PPP2R5E: variants seen among roughly 807,000 people sequenced by gnomAD.
PPP2R5E encodes the protein protein phosphatase 2 regulatory subunit B'epsilon, also known as serine/threonine-protein phosphatase 2A 56 kDa regulatory subunit epsilon isoform.
A neutral mutation model predicts 65.3 loss-of-function variants in PPP2R5E; 4 were observed. The observed-to-expected ratio is 0.06, with a 90% CI of 0.03 to 0.14. The LOEUF (loss-of-function observed/expected upper bound fraction) is 0.14, where lower values mean the gene tolerates loss of function less well. Ranked by LOEUF, PPP2R5E falls within the 10% of genes least tolerant of loss-of-function variation. The pLI is 1.00. For synonymous variants in PPP2R5E, 183 were observed against 187.4 expected, an observed-to-expected ratio of 0.98 and a Z score of 0.19; for missense variants, 274 against 556.1, an observed-to-expected ratio of 0.49 and a Z score of 5.10.
At chr14:63,404,285 G>C (rs1885943830) in intron 5 of PPP2R5E, among the ~76,000 whole-genome samples, 2 of 152,190 alleles carry the variant, frequency 1.3e-5, no homozygotes, top group South Asian at 2.1e-4. Context: ...TGTAAAGTAA[G>C]ATTTTAGAGA....
intron 2 of PPP2R5E, among the ~76,000 whole-genome samples, chr14:63,477,724 T>C (rs996773564): frequency 3.9e-5 from 6 of 152,052 alleles, no homozygotes; most frequent in East Asian, 1.9e-4. Context: ...CTCTTATCTA[T>C]ACAATACAGG....
At chr14:63,421,052 C>CAA (rs56297942) in intron 4 of PPP2R5E, among the ~76,000 whole-genome samples, 109 of 10,294 alleles carry the variant, frequency 0.011, 38 homozygotes, top group African/African-American at 0.013. Context: ...GACTCCGTCT[C>CAA]AAAAAAAAAA....
intron 2 of PPP2R5E, among the ~76,000 whole-genome samples, chr14:63,520,877 AAAAAAAAAAC>A (rs1421651371): frequency 1.6e-5 from 2 of 126,664 alleles, no homozygotes; most frequent in African/African-American, 6.8e-5. Context: ...AAAAAAAAAA[AAAAAAAAAAC>A]AATTAGCCGG....
At chr14:63,440,633 T>A (rs1040221745) in intron 3 of PPP2R5E, among the ~76,000 whole-genome samples, 1 of 151,922 alleles carries the variant, frequency 6.6e-6, no homozygotes, top group African/African-American at 2.4e-5. Context: ...CATTATGGCT[T>A]AGCATCTAAG....
At chr14:63,404,676 G>GA (rs1885966088) in intron 5 of PPP2R5E, among the ~76,000 whole-genome samples, 1 of 152,148 alleles carries the variant, frequency 6.6e-6, no homozygotes, top group Non-Finnish European at 1.5e-5. Flanking sequence ...CAAAACTTTC[G>GA]AAAGTGTAAG....
intron 3 of PPP2R5E, among the ~76,000 whole-genome samples, chr14:63,442,828 C>A (rs995870542): frequency 6.6e-6 from 1 of 152,122 alleles, no homozygotes; most frequent in Admixed American, 6.5e-5. Flanking sequence ...GGGGGACTAT[C>A]ATGGTTATAT....
chr14:63,390,527 T>C (rs1053972279), intron 10 of PPP2R5E, among the ~76,000 whole-genome samples: 3 of 152,002 alleles, frequency 2.0e-5, no homozygotes, highest in Non-Finnish European at 4.4e-5. Flanking sequence ...TTTGAAAAAA[T>C]AAAGTGAGCA....
chr14:63,527,150 CAAG>C (rs1893216834), intron 2 of PPP2R5E, among the ~76,000 whole-genome samples: 1 of 152,010 alleles, frequency 6.6e-6, no homozygotes, highest in African/African-American at 2.4e-5. Flanking sequence ...GCCTGGACAA[CAAG>C]AGGGAAACTC....
Position 63,543,224 on chromosome 14 carries a change from G to C in PPP2R5E, c.-453C>G, listed in dbSNP as rs1408658331. ...GCAGCAAGAGAAGGGGACAGAATAA[G>C]GAGGAGGAGCCGCAGGAGCTGGAGC... On this transcript the variant is annotated 5_prime_UTR_variant, in exon 1 of 14. Coordinates refer to ENST00000337537, the MANE Select transcript of PPP2R5E (RefSeq NM_006246.5). The C allele has an allele frequency of 1.3e-5, 2 of 153,534 alleles. No individual in the cohort carries two copies. The highest frequency in any genetic ancestry group is 2.9e-5 in the Non-Finnish European group (2 of 68,910). The allele number at this position is 153,534 out of a possible 1,614,324, so 9.5% of individuals were successfully genotyped here.
rs957540404 is a variant in PPP2R5E, at chr14:63,522,198, G to A, written c.157+17331C>T. Among the ~76,000 whole-genome samples, 875 of 152,216 alleles carry A rather than the reference G, an allele frequency of 5.7e-3. 7 individuals are homozygous for A. Among genetic ancestry groups the A allele is most frequent in the African/African-American group, 0.02 (827 of 41,530 alleles). ...TAACCGCGAGTGATCCACCAGCCTC[G>A]GCCTCCCGAGGTGCCGGGATTGCAG... On this transcript the variant is annotated intron_variant, in intron 2 of 13. Transcript: ENST00000337537.
intron 3 of PPP2R5E, among the ~76,000 whole-genome samples, chr14:63,438,046 C>A (rs1251720898): frequency 6.6e-6 from 1 of 152,172 alleles, no homozygotes; most frequent in Non-Finnish European, 1.5e-5. Flanking sequence ...TGAGAAGTCA[C>A]TGAATAGCAT....
At chr14:63,488,911 A>G (rs1394717361) in intron 2 of PPP2R5E, among the ~76,000 whole-genome samples, 1 of 151,590 alleles carries the variant, frequency 6.6e-6, no homozygotes, top group African/African-American at 2.4e-5. Flanking sequence ...TCCCAAAAAG[A>G]CTTTCATGAA....
chr14:63,538,413 C>T (rs1231792566), intron 2 of PPP2R5E, among the ~76,000 whole-genome samples: 2 of 151,780 alleles, frequency 1.3e-5, no homozygotes, highest in African/African-American at 2.4e-5. Flanking sequence ...GTGCCACCAC[C>T]GCGCCTAATT....
chr14:63,435,545 A>T (rs1328309890), intron 3 of PPP2R5E, among the ~76,000 whole-genome samples: 1 of 152,196 alleles, frequency 6.6e-6, no homozygotes, highest in Non-Finnish European at 1.5e-5. Flanking sequence ...CTGGAGAAAG[A>T]AAAGTAAGAA....
At chr14:63,458,316 C>T (rs754844303) in intron 2 of PPP2R5E, among the ~76,000 whole-genome samples, 6 of 152,230 alleles carry the variant, frequency 3.9e-5, no homozygotes, top group Non-Finnish European at 7.3e-5. Flanking sequence ...TACTAGTCCA[C>T]TTCCATCATT....
intron 2 of PPP2R5E, among the ~76,000 whole-genome samples, chr14:63,489,416 CTTTT>C (rs200892473): frequency 7.0e-6 from 1 of 141,906 alleles, no homozygotes; most frequent in Non-Finnish European, 1.5e-5. Flanking sequence ...TTGTTGTTTT[CTTTT>C]TTTTTTTTTG....
intron 5 of PPP2R5E, among the ~76,000 whole-genome samples, chr14:63,404,676 G>T (rs550009056): frequency 6.6e-6 from 1 of 152,268 alleles, no homozygotes; most frequent in African/African-American, 2.4e-5. Flanking sequence ...CAAAACTTTC[G>T]AAAGTGTAAG....
At position 63,466,898 on chromosome 14, in the gene PPP2R5E, G is replaced by A. The variant is rs1183052046; in HGVS notation, c.158-13013C>T. On this transcript the variant is annotated intron_variant, in intron 2 of 13. Coordinates refer to ENST00000337537, the MANE Select transcript of PPP2R5E (RefSeq NM_006246.5). Reference sequence around the variant, plus strand: ...TTTAAAAAGGACAGCGAACGTGTCTGGGAAGCTTAACACTTTCAGAACAGA... The same window carrying A: ...TTTAAAAAGGACAGCGAACGTGTCTAGGAAGCTTAACACTTTCAGAACAGA... 3.3e-5 allele frequency among the ~76,000 whole-genome samples: 5 copies of A among 152,208 alleles called. No homozygotes were observed. The South Asian group carries it at 1.0e-3, about 32-fold the overall frequency.
intron 2 of PPP2R5E, among the ~76,000 whole-genome samples, chr14:63,493,517 G>C (rs542027942): frequency 7.9e-5 from 12 of 151,618 alleles, no homozygotes; most frequent in African/African-American, 2.2e-4. Context: ...GGGGGGAGGG[G>C]GAGGGGAGCA....
Sources: allele counts gnomAD v4.1 joint callset (sites outside exome capture counted in the v4.1 genomes callset), GRCh38; gene constraint gnomAD v4.1.1; transcripts MANE v1.5; gene names NCBI Gene and HGNC (gene_info 2026-07-23, HGNC 2026-07-21).